The following KMT5B variants were observed in gnomAD, a reference collection of about 807,000 sequenced individuals.
KMT5B encodes the protein histone-lysine N-methyltransferase KMT5B.
KMT5B carries 10 observed loss-of-function variants against 83.2 expected under a neutral mutation model. The ratio of observed to expected loss-of-function variants is 0.12; its 90% CI spans 0.07 to 0.20. The LOEUF is 0.20. KMT5B is among the 10% of genes least tolerant of loss of function. KMT5B has a pLI of 1.00. For synonymous variants in KMT5B, 349 were observed against 388.8 expected, an observed-to-expected ratio of 0.90 and a Z score of 1.20; for missense variants, 753 against 1,067.2, an observed-to-expected ratio of 0.71 and a Z score of 4.10.
intron 2 of KMT5B, among the ~76,000 whole-genome samples, chr11:68,187,924 T>G (rs550595254): frequency 1.3e-5 from 2 of 152,182 alleles, no homozygotes; most frequent in African/African-American, 4.8e-5. Flanking sequence ...ACATTCAATG[T>G]AAGGCTATGT....
chr11:68,213,340 A>G (rs1482773766), upstream of KMT5B: 2 of 146,956 alleles, frequency 1.4e-5, no homozygotes, highest in African/African-American at 2.5e-5. Flanking sequence ...CGCTGACGGG[A>G]AAAATGAGTC....
At chr11:68,175,952 T>C (rs919929360) in intron 4 of KMT5B, among the ~76,000 whole-genome samples, 1 of 146,714 alleles carries the variant, frequency 6.8e-6, no homozygotes, top group Non-Finnish European at 1.5e-5. Flanking sequence ...TCTCACTCTG[T>C]GGCCCAGGCT....
At chr11:68,200,617 G>C (rs1283179576) in intron 1 of KMT5B, among the ~76,000 whole-genome samples, 6 of 152,190 alleles carry the variant, frequency 3.9e-5, no homozygotes, top group African/African-American at 9.7e-5. Context: ...TTATGGAGTG[G>C]GAGGTGATGG....
chr11:68,204,403 G>A (rs1859814539), intron 1 of KMT5B, among the ~76,000 whole-genome samples: 1 of 152,084 alleles, frequency 6.6e-6, no homozygotes, highest in Non-Finnish European at 1.5e-5. Context: ...TTTATAAGAG[G>A]CAGAGGGAGA....
chr11:68,178,612 G>A (rs1312587568), intron 4 of KMT5B, among the ~76,000 whole-genome samples: 2 of 152,184 alleles, frequency 1.3e-5, no homozygotes, highest in African/African-American at 4.8e-5. Context: ...TAAGGAAAAG[G>A]GGGAAGAAAA....
chr11:68,177,904 A>C (rs1265202744), intron 4 of KMT5B, among the ~76,000 whole-genome samples: 2 of 152,196 alleles, frequency 1.3e-5, no homozygotes, highest in African/African-American at 4.8e-5. Flanking sequence ...TACCATCTCC[A>C]AGAAATCCAA....
intron 1 of KMT5B, among the ~76,000 whole-genome samples, chr11:68,197,303 T>A (rs999806056): frequency 3.9e-5 from 6 of 152,176 alleles, no homozygotes; most frequent in Non-Finnish European, 8.8e-5. Flanking sequence ...AACCAAGATG[T>A]CTACTTGAGA....
intron 1 of KMT5B, 110 bp downstream of exon 1, chr11:68,213,028 C>T (rs1198189216): frequency 2.2e-5 from 3 of 137,128 alleles, no homozygotes; most frequent in African/African-American, 7.9e-5. Context: ...GCCCTGGCCC[C>T]GGAGCCCTGC....
At chr11:68,196,574 T>C (rs1476163536) in intron 1 of KMT5B, among the ~76,000 whole-genome samples, 1 of 151,280 alleles carries the variant, frequency 6.6e-6, no homozygotes, top group Non-Finnish European at 1.5e-5. Context: ...AACTGTAAAT[T>C]AAAGATACTT....
intron 1 of KMT5B, among the ~76,000 whole-genome samples, chr11:68,207,029 T>C (rs1023260154): frequency 6.6e-6 from 1 of 151,444 alleles, no homozygotes; most frequent in African/African-American, 2.4e-5. Flanking sequence ...GATCACGAGG[T>C]CAGGAGATCG....
chr11:68,189,422 A>G (rs1007289675), intron 2 of KMT5B, among the ~76,000 whole-genome samples: 8 of 152,342 alleles, frequency 5.3e-5, no homozygotes, highest in Non-Finnish European at 1.0e-4. Flanking sequence ...TCTACCCTGT[A>G]TAAATAGAAT....
At chr11:68,183,254 C>G (rs766641673) in intron 3 of KMT5B, among the ~76,000 whole-genome samples, 3 of 150,790 alleles carry the variant, frequency 2.0e-5, no homozygotes, top group Non-Finnish European at 4.4e-5. Flanking sequence ...GGGGGTGCTA[C>G]AGGGTGACAA....
intron 2 of KMT5B, chr11:68,189,637 T>C: frequency 8.2e-6 from 2 of 242,498 alleles, no homozygotes; most frequent in Non-Finnish European, 1.6e-5. Flanking sequence ...TTTAAAAATT[T>C]AGTAAGACAT....
Position 68,159,103 on chromosome 11 carries a change from T to G in KMT5B, c.1243A>C (p.Met415Leu). The part of the protein sequence containing the change: ...SKSRTLTRQS[M>L]SRIPASSNST... ...TTGGAAGAAGCTGGAATTCTTGACA[T>G]AGATTGCCTCGTTAACGTTCTGCTC... Residue 415 changes from methionine to leucine, a missense_variant, in exon 11 of 11, where the codon ATG (methionine) becomes CTG (leucine). Coordinates refer to ENST00000304363, the MANE Select transcript of KMT5B (RefSeq NM_017635.5). The G allele has an allele frequency of 1.2e-6, 2 of 1,601,166 alleles. No homozygotes were observed. Among genetic ancestry groups the G allele is most frequent in the Non-Finnish European group, 8.5e-7 (1 of 1,176,972 alleles).
intron 1 of KMT5B, among the ~76,000 whole-genome samples, chr11:68,202,568 A>ATTTTT (rs1859585298): frequency 2.8e-5 from 1 of 36,194 alleles, no homozygotes. Flanking sequence ...TTTTTTTTTG[A>ATTTTT]GACAAACTCT....
At chr11:68,162,970 T>G (rs183140260) in intron 10 of KMT5B, among the ~76,000 whole-genome samples, 4 of 151,900 alleles carry the variant, frequency 2.6e-5, no homozygotes, top group African/African-American at 9.7e-5. Context: ...CTGGCAGGGG[T>G]TGAGAATTTC....
chr11:68,170,955 C>A, intron 9 of KMT5B, 60 bp downstream of exon 9: 1 of 1,492,794 alleles, frequency 6.7e-7, no homozygotes, highest in South Asian at 1.3e-5. Flanking sequence ...TGAGTTTAAT[C>A]CCCATAATCA....
At chr11:68,212,668 C>T (rs1411930573) in intron 1 of KMT5B, 1 of 151,836 alleles carries the variant, frequency 6.6e-6, no homozygotes, top group Non-Finnish European at 1.5e-5. Context: ...CGGGCCACGG[C>T]CAGGGGCGCC....
intron 1 of KMT5B, among the ~76,000 whole-genome samples, chr11:68,202,291 T>C (rs1160810926): frequency 1.3e-5 from 2 of 152,138 alleles, no homozygotes; most frequent in Non-Finnish European, 2.9e-5. Flanking sequence ...CTGTGACTTT[T>C]GTAACAAAAT....
Sources: gnomAD v4.1 joint callset for allele counts (sites outside exome capture counted in the v4.1 genomes callset) on GRCh38, gnomAD v4.1.1 for gene constraint, MANE v1.5 for transcripts, NCBI Gene and HGNC (gene_info 2026-07-23, HGNC 2026-07-21) for gene names.